The following LHFPL3 variants were observed in gnomAD, a reference collection of about 807,000 sequenced individuals.
The protein encoded by LHFPL3 is LHFPL tetraspan subfamily member 3 protein.
A neutral mutation model predicts 19.3 loss-of-function variants in LHFPL3; 5 were observed. The ratio of observed to expected loss-of-function variants is 0.26; its 90% CI spans 0.14 to 0.54. LHFPL3 has a LOEUF of 0.54. Ranked by LOEUF, LHFPL3 falls within the 20% of genes least tolerant of loss-of-function variation. The pLI is 0.94. For synonymous variants in LHFPL3, 133 were observed against 126.2 expected (o/e 1.05, Z -0.36); for missense variants, 249 against 307.4 (o/e 0.81, Z 1.42).
chr7:104,873,527 CT>C (rs113742525), intron 2 of LHFPL3, among the ~76,000 whole-genome samples: 2,802 of 152,164 alleles, frequency 0.018, 90 homozygotes, highest in African/African-American at 0.064. Context: ...ACTTGGGAGG[CT>C]GAAGCAGGAA....
intron 2 of LHFPL3, among the ~76,000 whole-genome samples, chr7:104,748,651 TCC>T (rs1794096250): frequency 6.6e-6 from 1 of 151,768 alleles, no homozygotes; most frequent in African/African-American, 2.4e-5. Flanking sequence ...GCTGACCCTC[TCC>T]CCACAATTGT....
chr7:104,723,671 AAGATTGC>A (rs1793528911), intron 1 of LHFPL3, among the ~76,000 whole-genome samples: 1 of 142,354 alleles, frequency 7.0e-6, no homozygotes, highest in African/African-American at 2.6e-5. Context: ...GCAGTGAGCC[AAGATTGC>A]ACCATTGCAC....
chr7:104,442,181 G>A (rs1019995216), intron 1 of LHFPL3, among the ~76,000 whole-genome samples: 5 of 151,372 alleles, frequency 3.3e-5, no homozygotes, highest in Non-Finnish European at 5.9e-5. Flanking sequence ...ATATATATTG[G>A]CCATTCATAT....
intron 1 of LHFPL3, among the ~76,000 whole-genome samples, chr7:104,518,998 T>C (rs1388942401): frequency 6.6e-6 from 1 of 152,016 alleles, no homozygotes; most frequent in Non-Finnish European, 1.5e-5. Flanking sequence ...ATGAGGAAAA[T>C]ACACACATTT....
Position 104,887,597 on chromosome 7 carries a change from G to C in LHFPL3, c.683-18590G>C, listed in dbSNP as rs1792172959. On this transcript the variant is annotated intron_variant, in intron 2 of 2. Transcript: ENST00000424859. ...TGGGTAAGCAGAGAGGACCCTGCTG[G>C]TCAGAGAATGTCCTCCAGCAAAAAG... 2.6e-5 allele frequency among the ~76,000 whole-genome samples: 4 copies of C among 152,318 alleles called. No homozygotes were observed. In the South Asian group the frequency reaches 8.3e-4, roughly 32 times the overall value.
chr7:104,541,666 A>G (rs1428295742), intron 1 of LHFPL3, among the ~76,000 whole-genome samples: 1 of 152,220 alleles, frequency 6.6e-6, no homozygotes, highest in African/African-American at 2.4e-5. Flanking sequence ...TTAAGTGTAT[A>G]GCAGCAAGAT....
At chr7:104,374,876 T>C (rs1197060793) in intron 1 of LHFPL3, among the ~76,000 whole-genome samples, 1 of 152,190 alleles carries the variant, frequency 6.6e-6, no homozygotes. Flanking sequence ...AGCATGGAAT[T>C]ATTATTTTTG....
intron 1 of LHFPL3, among the ~76,000 whole-genome samples, chr7:104,406,101 CAT>C (rs1791408253): frequency 6.6e-6 from 1 of 152,216 alleles, no homozygotes; most frequent in Non-Finnish European, 1.5e-5. Flanking sequence ...GCTGTCAAAT[CAT>C]AGTCGCTTCC....
At chr7:104,329,256 G>A in intron 1 of LHFPL3, 32 bp downstream of exon 1, 2 of 1,560,056 alleles carry the variant, frequency 1.3e-6, no homozygotes, top group Non-Finnish European at 1.7e-6. Context: ...CGGAGGCGGA[G>A]GACCCCGGGG....
intron 1 of LHFPL3, among the ~76,000 whole-genome samples, chr7:104,370,577 T>C (rs1790593410): frequency 6.6e-6 from 1 of 152,126 alleles, no homozygotes; most frequent in Admixed American, 6.5e-5. Flanking sequence ...GCTACTATTA[T>C]CCCCATTTTA....
chr7:104,882,854 A>T (rs1792082699), intron 2 of LHFPL3, among the ~76,000 whole-genome samples: 1 of 152,174 alleles, frequency 6.6e-6, no homozygotes, highest in Non-Finnish European at 1.5e-5. Context: ...GTGGGAAATA[A>T]ATCCTGAAGA....
At chr7:104,603,669 A>G (rs1008168496) in intron 1 of LHFPL3, among the ~76,000 whole-genome samples, 6 of 152,242 alleles carry the variant, frequency 3.9e-5, no homozygotes, top group Admixed American at 6.5e-5. Context: ...ATACAGTGGT[A>G]GGACAGCCAT....
At chr7:104,367,054 G>A (rs145745483) in intron 1 of LHFPL3, among the ~76,000 whole-genome samples, 138 of 152,184 alleles carry the variant, frequency 9.1e-4, no homozygotes, top group African/African-American at 2.9e-3. Flanking sequence ...AGTAAAGTCC[G>A]GACTGCATGG....
intron 1 of LHFPL3, among the ~76,000 whole-genome samples, chr7:104,410,207 A>G (rs1238153576): frequency 1.3e-5 from 2 of 152,142 alleles, no homozygotes; most frequent in South Asian, 2.1e-4. Flanking sequence ...ATCTTGGCTC[A>G]CTGCAACCTC....
chr7:104,667,920 A>G (rs1792388208), intron 1 of LHFPL3: 1 of 1,612,990 alleles, frequency 6.2e-7, no homozygotes, highest in Non-Finnish European at 8.5e-7. Context: ...TTGGCACAGT[A>G]ACGATGACGA....
At chr7:104,448,188 G>A (rs181974571) in intron 1 of LHFPL3, among the ~76,000 whole-genome samples, 1 of 152,154 alleles carries the variant, frequency 6.6e-6, no homozygotes, top group East Asian at 1.9e-4. Context: ...GATTCAACTG[G>A]TAAACATTTT....
chr7:104,837,680 A>G (rs1009576689), intron 2 of LHFPL3, among the ~76,000 whole-genome samples: 1 of 152,082 alleles, frequency 6.6e-6, no homozygotes, highest in Non-Finnish European at 1.5e-5. Context: ...TACATGAGTA[A>G]GTTCTTTAGT....
intron 1 of LHFPL3, among the ~76,000 whole-genome samples, chr7:104,489,040 CT>C (rs1438986251): frequency 3.9e-5 from 6 of 151,964 alleles, no homozygotes; most frequent in Admixed American, 1.3e-4. Context: ...TTCTCACTGC[CT>C]TGAAATCTTG....
At chr7:104,483,067 A>G (rs1793167066) in intron 1 of LHFPL3, among the ~76,000 whole-genome samples, 1 of 152,242 alleles carries the variant, frequency 6.6e-6, no homozygotes, top group South Asian at 2.1e-4. Context: ...GAAGTGATTG[A>G]GGAATTGAGG....
Sources: gnomAD v4.1 joint callset for allele counts (sites outside exome capture counted in the v4.1 genomes callset) on GRCh38, gnomAD v4.1.1 for gene constraint, MANE v1.5 for transcripts, NCBI Gene and HGNC (gene_info 2026-07-23, HGNC 2026-07-21) for gene names.